The following DDX10 variants were observed in gnomAD, a reference collection of about 807,000 sequenced individuals.
DDX10 encodes DEAD-box helicase 10.
In DDX10, 74 loss-of-function variants were observed where a neutral mutation model predicts 104.3. That is an observed-to-expected ratio of 0.71 (90% confidence interval 0.59 to 0.86). The LOEUF (loss-of-function observed/expected upper bound fraction) is 0.86, where lower values mean the gene tolerates loss of function less well. Ranked by LOEUF, DDX10 falls within the 40% of genes least tolerant of loss-of-function variation. The probability of loss-of-function intolerance (pLI) is 0.00; values close to 1 mark genes in which losing one functional copy is unlikely to be tolerated. For missense variants in DDX10, 952 were observed against 1,040.0 expected (o/e 0.92, Z 1.16); for synonymous variants, 351 against 353.4 (o/e 0.99, Z 0.08).
At chr11:108,787,949 T>C (rs1328377319) in intron 13 of DDX10, among the ~76,000 whole-genome samples, 1 of 152,128 alleles carries the variant, frequency 6.6e-6, no homozygotes, top group East Asian at 1.9e-4. Flanking sequence ...ATACTTTTGA[T>C]TGTATTATGA....
chr11:108,716,837 T>C (rs2094292124), intron 11 of DDX10, among the ~76,000 whole-genome samples: 1 of 152,198 alleles, frequency 6.6e-6, no homozygotes. Context: ...TTGAAACAAA[T>C]ATACATTGTG....
chr11:108,734,939 A>G (rs1391912953), intron 13 of DDX10, among the ~76,000 whole-genome samples: 1 of 152,238 alleles, frequency 6.6e-6, no homozygotes, highest in Non-Finnish European at 1.5e-5. Flanking sequence ...AATGCTGTTC[A>G]TAAGACCACT....
At chr11:108,823,288 A>G (rs1441261873) in intron 13 of DDX10, among the ~76,000 whole-genome samples, 1 of 152,170 alleles carries the variant, frequency 6.6e-6, no homozygotes, top group East Asian at 1.9e-4. Flanking sequence ...TGCTTAGCTA[A>G]TATTTATATA....
At chr11:108,829,387 T>C (rs1298783747) in intron 13 of DDX10, among the ~76,000 whole-genome samples, 1 of 152,236 alleles carries the variant, frequency 6.6e-6, no homozygotes, top group Non-Finnish European at 1.5e-5. Flanking sequence ...TATTGGCCAT[T>C]TGTATGTCTT....
At chr11:108,798,173 A>G (rs1463649211) in intron 13 of DDX10, among the ~76,000 whole-genome samples, 2 of 152,166 alleles carry the variant, frequency 1.3e-5, no homozygotes, top group Non-Finnish European at 2.9e-5. Context: ...AAAGGACTCT[A>G]AATGCCTAGT....
intron 11 of DDX10, among the ~76,000 whole-genome samples, chr11:108,716,763 A>G (rs1047411229): frequency 6.6e-6 from 1 of 152,228 alleles, no homozygotes; most frequent in African/African-American, 2.4e-5. Flanking sequence ...AAATACATAA[A>G]GAAGTCAATA....
intron 11 of DDX10, 42 bp from the exon 12 acceptor site, chr11:108,719,755 T>A (rs1039124372): frequency 7.8e-7 from 1 of 1,278,098 alleles, no homozygotes; most frequent in Non-Finnish European, 1.1e-6. Context: ...AACTCATTTT[T>A]AATTTCTATT....
rs367646768 is a variant in DDX10, at chr11:108,880,652, C to T, written c.2304+28443C>T. Among the ~76,000 whole-genome samples the T allele has an allele frequency of 3.9e-5, 6 of 152,188 alleles. No individual in the cohort carries two copies. In the South Asian group the frequency reaches 6.2e-4, roughly 16 times the overall value. On this transcript the variant is annotated intron_variant, in intron 16 of 17. Coordinates refer to ENST00000322536, the MANE Select transcript of DDX10 (RefSeq NM_004398.4). ...GTGTACAAGGAAAACGTAGGCACTT[C>T]GGCAAAAGGAAGTAACATCGTATAC...
intron 16 of DDX10, among the ~76,000 whole-genome samples, chr11:108,868,054 G>A (rs913406035): frequency 6.6e-6 from 1 of 151,958 alleles, no homozygotes; most frequent in Non-Finnish European, 1.5e-5. Context: ...ACTGAACCAG[G>A]TTCATTTTTC....
intron 9 of DDX10, among the ~76,000 whole-genome samples, chr11:108,706,203 C>T (rs938114551): frequency 3.3e-5 from 5 of 152,126 alleles, no homozygotes; most frequent in African/African-American, 1.2e-4. Context: ...AACTCCTGAC[C>T]TCGGGTTATT....
chr11:108,935,848 A>G (rs985912167), intron 17 of DDX10, among the ~76,000 whole-genome samples: 4 of 152,146 alleles, frequency 2.6e-5, no homozygotes, highest in Admixed American at 6.5e-5. Context: ...TTTGTTTTCA[A>G]TGATAATGGT....
chr11:108,689,072 GT>G lies in DDX10; in HGVS notation c.975+13del, dbSNP rs767432517. On this transcript the variant is annotated intron_variant, in intron 7 of 17. Transcript: ENST00000322536. ...TTCCAGTTGCAAAGAGGTATTGGCT[GT>G]TTATTTTGCTTTCTGAACGTATGTT... is the stretch of plus-strand genomic sequence containing the variant. 4 of 1,612,418 alleles carry G rather than the reference GT, an allele frequency of 2.5e-6. No individual in the cohort carries two copies. The highest frequency in any genetic ancestry group is 8.5e-7 in the Non-Finnish European group (1 of 1,179,356).
intron 13 of DDX10, among the ~76,000 whole-genome samples, chr11:108,729,552 CAAGG>C (rs1423326659): frequency 2.6e-5 from 4 of 151,982 alleles, no homozygotes; most frequent in Admixed American, 6.6e-5. Context: ...AAAAACAAAA[CAAGG>C]AAGAACAAAA....
intron 9 of DDX10, among the ~76,000 whole-genome samples, chr11:108,695,800 C>T (rs1391861263): frequency 1.3e-5 from 2 of 149,702 alleles, no homozygotes; most frequent in Admixed American, 6.6e-5. Context: ...CATGTTTATC[C>T]TGTGGGCCAT....
chr11:108,805,399 C>G (rs1297540024), intron 13 of DDX10, among the ~76,000 whole-genome samples: 2 of 152,154 alleles, frequency 1.3e-5, no homozygotes, highest in South Asian at 2.1e-4. Flanking sequence ...TTTAAAGTAG[C>G]AAGTGGTACA....
chr11:108,846,438 A>C, intron 15 of DDX10, among the ~76,000 whole-genome samples: 1 of 152,128 alleles, frequency 6.6e-6, no homozygotes, highest in South Asian at 2.1e-4. Flanking sequence ...CAAGCCTTCC[A>C]CCCAGTCCTT....
chr11:108,823,855 T>C (rs1351890564), intron 13 of DDX10, among the ~76,000 whole-genome samples: 9 of 152,206 alleles, frequency 5.9e-5, no homozygotes, highest in Admixed American at 5.9e-4. Context: ...ATGAAACATC[T>C]TGAATGTTAT....
intron 13 of DDX10, among the ~76,000 whole-genome samples, chr11:108,794,263 T>C (rs903925561): frequency 6.6e-6 from 1 of 152,120 alleles, no homozygotes; most frequent in Non-Finnish European, 1.5e-5. Context: ...GAGATCTCCA[T>C]ACTAGTTTTA....
chr11:108,727,514 T>C (rs969756867), intron 13 of DDX10, among the ~76,000 whole-genome samples: 9 of 152,166 alleles, frequency 5.9e-5, no homozygotes, highest in Admixed American at 5.9e-4. Flanking sequence ...TTCCTTGAAA[T>C]GTTGTCTTTT....
Sources: allele counts gnomAD v4.1 joint callset (sites outside exome capture counted in the v4.1 genomes callset), GRCh38; gene constraint gnomAD v4.1.1; transcripts MANE v1.5; gene names NCBI Gene and HGNC (gene_info 2026-07-23, HGNC 2026-07-21).